DOCK3: variants seen among roughly 807,000 people sequenced by gnomAD.
DOCK3 encodes dedicator of cytokinesis protein 3.
In DOCK3, 60 loss-of-function variants were observed where a neutral mutation model predicts 265.6. That is an observed-to-expected ratio of 0.23 (90% CI 0.18 to 0.28). DOCK3 has a LOEUF of 0.28. DOCK3 is among the 10% of genes least tolerant of loss of function. The pLI, the probability that DOCK3 is intolerant of heterozygous loss-of-function variation, is 1.00. For synonymous variants in DOCK3, 881 were observed against 938.0 expected, an observed-to-expected ratio of 0.94 and a Z score of 1.11; for missense variants, 1,981 against 2,594.3, an observed-to-expected ratio of 0.76 and a Z score of 5.14.
chr3:50,700,771 T>G (rs930679231), intron 1 of DOCK3, among the ~76,000 whole-genome samples: 1 of 152,220 alleles, frequency 6.6e-6, no homozygotes, highest in Admixed American at 6.5e-5. Context: ...TGATATATAC[T>G]GATTTCCTTT....
intron 19 of DOCK3, among the ~76,000 whole-genome samples, chr3:51,235,038 A>G (rs2078296916): frequency 6.6e-6 from 1 of 152,220 alleles, no homozygotes; most frequent in South Asian, 2.1e-4. Flanking sequence ...ACAAGCGTCA[A>G]ATGAATTAGC....
At chr3:51,196,600 G>A (rs939731787) in intron 12 of DOCK3, among the ~76,000 whole-genome samples, 5 of 151,762 alleles carry the variant, frequency 3.3e-5, no homozygotes, top group Admixed American at 2.0e-4. Flanking sequence ...CTTTATTTTT[G>A]TCTGACAGGA....
chr3:50,873,394 G>A (rs1389540578), intron 3 of DOCK3, among the ~76,000 whole-genome samples: 9 of 152,152 alleles, frequency 5.9e-5, no homozygotes, highest in African/African-American at 1.7e-4. Flanking sequence ...GCCTTATCCT[G>A]CTGTGACTGA....
chr3:50,819,436 C>G (rs375723115), intron 2 of DOCK3, among the ~76,000 whole-genome samples: 1 of 152,122 alleles, frequency 6.6e-6, no homozygotes, highest in Admixed American at 6.6e-5. Flanking sequence ...GCAGATTTCT[C>G]TTTTAAAGTG....
At chr3:51,330,368 A>C (rs2084434395) in intron 33 of DOCK3, 145 bp downstream of exon 33, 1 of 621,284 alleles carries the variant, frequency 1.6e-6, no homozygotes, top group Non-Finnish European at 2.7e-6. Flanking sequence ...AGCAATGCTC[A>C]ACTTCTGTCA....
Position 50,900,661 on chromosome 3 carries a change from T to C in DOCK3, c.218+10580T>C, listed in dbSNP as rs139497873. 2.9e-4 allele frequency: 130 copies of C among 450,364 alleles called. 1 individual carries two copies. The highest frequency in any genetic ancestry group is 1.4e-3 in the East Asian group (19 of 13,654). 27.9% of individuals were successfully genotyped at this position (450,364 alleles called of 1,614,324 possible). On this transcript the variant is annotated intron_variant, in intron 4 of 52. Coordinates refer to ENST00000266037, the MANE Select transcript of DOCK3 (RefSeq NM_004947.5). ...TGGTGACCTTCAGATGGGGTTTCTG[T>C]ATGGACCTCCTTTTTGTTAATGTTG...
chr3:51,048,943 A>G (rs528387122), intron 5 of DOCK3, among the ~76,000 whole-genome samples: 1 of 152,274 alleles, frequency 6.6e-6, no homozygotes, highest in South Asian at 2.1e-4. Flanking sequence ...CAGCAGTATC[A>G]CCAGAATACC....
intron 2 of DOCK3, among the ~76,000 whole-genome samples, chr3:50,803,056 G>GTATT (rs546247727): frequency 0.015 from 2,292 of 147,914 alleles, 31 homozygotes; most frequent in African/African-American, 0.036. Context: ...ATGTATTTAT[G>GTATT]TATTTATTTA....
intron 4 of DOCK3, among the ~76,000 whole-genome samples, chr3:50,928,860 G>A (rs1365426889): frequency 6.6e-6 from 1 of 152,144 alleles, no homozygotes; most frequent in Non-Finnish European, 1.5e-5. Flanking sequence ...CATACTTTGG[G>A]TACCTGTATA....
At chr3:51,271,730 A>G (rs960330339) in intron 24 of DOCK3, among the ~76,000 whole-genome samples, 1 of 152,174 alleles carries the variant, frequency 6.6e-6, no homozygotes, top group South Asian at 2.1e-4. Flanking sequence ...AGGCACCTGT[A>G]ATCCCAGCTA....
intron 38 of DOCK3, 80 bp from the exon 39 acceptor site, chr3:51,348,772 G>C (rs1416001363): frequency 7.1e-6 from 10 of 1,401,752 alleles, no homozygotes; most frequent in Non-Finnish European, 8.9e-6. Context: ...CTTTTGTTGT[G>C]TGTCTTCTGA....
chr3:51,346,125 T>G (rs556004065), intron 38 of DOCK3, among the ~76,000 whole-genome samples: 1 of 152,276 alleles, frequency 6.6e-6, no homozygotes, highest in Admixed American at 6.5e-5. Context: ...TGACCCTCAA[T>G]CTAACCAAAA....
chr3:50,991,093 AGAGATCTT>A (rs1190392652), intron 5 of DOCK3, among the ~76,000 whole-genome samples: 1 of 152,222 alleles, frequency 6.6e-6, no homozygotes, highest in Non-Finnish European at 1.5e-5. Context: ...CTGCCTTACA[AGAGATCTT>A]GAAAGGAGCA....
chr3:50,759,137 C>T (rs2040374386), intron 1 of DOCK3, among the ~76,000 whole-genome samples: 1 of 151,964 alleles, frequency 6.6e-6, no homozygotes, highest in Non-Finnish European at 1.5e-5. Context: ...ATGGCTGGAT[C>T]ATATAATTCT....
intron 5 of DOCK3, among the ~76,000 whole-genome samples, chr3:51,054,621 G>T (rs4927976): frequency 0.9 from 137,248 of 152,234 alleles, 62,061 homozygotes; most frequent in African/African-American, 0.95. Flanking sequence ...TTCAAATGAT[G>T]CACTAATTTT....
intron 5 of DOCK3, among the ~76,000 whole-genome samples, chr3:50,934,900 T>C (rs1282936252): frequency 6.6e-6 from 1 of 152,186 alleles, no homozygotes. Flanking sequence ...CACATTTTAC[T>C]TTACTTCTAC....
chr3:50,769,563 C>G (rs1448185272), intron 1 of DOCK3, among the ~76,000 whole-genome samples: 3 of 152,070 alleles, frequency 2.0e-5, no homozygotes, highest in Non-Finnish European at 4.4e-5. Flanking sequence ...GTAATCCTAG[C>G]ACTTTGGGAG....
At chr3:50,688,131 A>T (rs1345678978) in intron 1 of DOCK3, among the ~76,000 whole-genome samples, 1 of 152,236 alleles carries the variant, frequency 6.6e-6, no homozygotes, top group African/African-American at 2.4e-5. Flanking sequence ...AGCAGCAGGC[A>T]GGATCAACTC....
Position 51,160,625 on chromosome 3 carries a change from G to A in DOCK3, c.960G>A (p.Ala320=), listed in dbSNP as rs556907316. The A allele has an allele frequency of 3.7e-5, 60 of 1,613,112 alleles. 1 individual carries two copies. In the South Asian group the frequency reaches 4.0e-4, roughly 11 times the overall value. The stretch of plus-strand genomic sequence containing the variant: ...ACTACAGGCGACCATATGGCTGTGC[G>A]GTCCTAAGCATCTTGGATGTCCTAC... The part of the protein sequence containing the change: ...HLHYRRPYGC[A]VLSILDVLQS... Residue 320 remains alanine, a synonymous_variant, in exon 12 of 53, where the codon GCG becomes GCA. Transcript: ENST00000266037.
Sources: gnomAD v4.1 joint callset for allele counts (sites outside exome capture counted in the v4.1 genomes callset) on GRCh38, gnomAD v4.1.1 for gene constraint, MANE v1.5 for transcripts, NCBI Gene and HGNC (gene_info 2026-07-23, HGNC 2026-07-21) for gene names.